Variants in ERICH1 observed in about 807,000 individuals in gnomAD.
The protein encoded by ERICH1 is glutamate rich 1, also known as glutamate-rich protein 1.
Under a neutral mutation model 39.6 loss-of-function variants are expected in ERICH1, and 56 were observed. The ratio of observed to expected loss-of-function variants is 1.41; its 90% CI spans 1.14 to 1.77. ERICH1 has a LOEUF of 1.77. ERICH1 is among the 40% of genes most tolerant of loss of function. ERICH1 has a pLI of 0.00. For synonymous variants in ERICH1, 313 were observed against 223.6 expected, an observed-to-expected ratio of 1.40 and a Z score of -3.57; for missense variants, 826 against 575.4, an observed-to-expected ratio of 1.44 and a Z score of -4.45.
chr8:630,391 GAC>G (rs1797932123), intron 3 of ERICH1, among the ~76,000 whole-genome samples: 1 of 136,104 alleles, frequency 7.3e-6, no homozygotes, highest in Admixed American at 7.2e-5. Context: ...CACCCACACA[GAC>G]AGAGCTGACT....
At chr8:639,069 C>T (rs1337583087) in intron 3 of ERICH1, among the ~76,000 whole-genome samples, 1 of 152,206 alleles carries the variant, frequency 6.6e-6, no homozygotes, top group Non-Finnish European at 1.5e-5. Context: ...AGACCACGGT[C>T]CATGCTGCTG....
chr8:711,363 T>G (rs1191992787), intron 2 of ERICH1, among the ~76,000 whole-genome samples: 2 of 152,230 alleles, frequency 1.3e-5, no homozygotes, highest in Non-Finnish European at 2.9e-5. Context: ...GACATCTACT[T>G]ATCAATTCTT....
rs559268066 is a variant in ERICH1 at position 674,816 on chromosome 8, C to T, written c.305-769G>A. Reference sequence around the variant, plus strand: ...TTTGACACGAAGCTAAGCTGGACTCCAGGTTGGCAGAAGGTGGTTTATAAA... The same window carrying T: ...TTTGACACGAAGCTAAGCTGGACTCTAGGTTGGCAGAAGGTGGTTTATAAA... On this transcript the variant is annotated intron_variant, in intron 3 of 5. Coordinates refer to ENST00000262109, the MANE Select transcript of ERICH1 (RefSeq NM_207332.3). Among the ~76,000 whole-genome samples the T allele has an allele frequency of 2.6e-5, 4 of 152,306 alleles. No homozygotes were observed. The South Asian group carries it at 8.3e-4, about 32-fold the overall frequency.
chr8:686,654 A>T (rs1807462379), intron 3 of ERICH1: 1 of 152,206 alleles, frequency 6.6e-6, no homozygotes, highest in Non-Finnish European at 1.5e-5. Context: ...TTTAGAAACC[A>T]TCACAGCCTT....
intron 3 of ERICH1, among the ~76,000 whole-genome samples, chr8:621,847 C>T (rs1350122693): frequency 6.6e-6 from 1 of 152,054 alleles, no homozygotes; most frequent in Admixed American, 6.6e-5. Context: ...AATACAATTC[C>T]TAGAAAAACA....
At chr8:635,478 C>A (rs1268886363) in intron 3 of ERICH1, among the ~76,000 whole-genome samples, 2 of 152,200 alleles carry the variant, frequency 1.3e-5, no homozygotes, top group Non-Finnish European at 2.9e-5. Flanking sequence ...TGCACCAACG[C>A]CCCACCCAGT....
At chr8:723,025 C>T (rs1326963913) in intron 1 of ERICH1, among the ~76,000 whole-genome samples, 1 of 152,208 alleles carries the variant, frequency 6.6e-6, no homozygotes, top group African/African-American at 2.4e-5. Flanking sequence ...GGTGGGCCTA[C>T]TGGGAGGTGT....
chr8:636,160 T>C (rs1447028903), intron 3 of ERICH1, among the ~76,000 whole-genome samples: 1 of 152,164 alleles, frequency 6.6e-6, no homozygotes, highest in East Asian at 1.9e-4. Context: ...GCTGAATCCC[T>C]GCGCCCCGGC....
intron 3 of ERICH1, among the ~76,000 whole-genome samples, chr8:636,136 C>T (rs925563413): frequency 6.6e-6 from 1 of 152,214 alleles, no homozygotes. Context: ...TAATGTCTGG[C>T]GCGCTCTAAG....
At chr8:685,704 C>T (rs2131995835) in intron 3 of ERICH1, among the ~76,000 whole-genome samples, 1 of 152,328 alleles carries the variant, frequency 6.6e-6, no homozygotes, top group Admixed American at 6.5e-5. Flanking sequence ...GGGTCCCTGA[C>T]TTCCTGCAAT....
chr8:643,549 G>A (rs369781373), intron 3 of ERICH1, among the ~76,000 whole-genome samples: 4 of 151,090 alleles, frequency 2.6e-5, no homozygotes, highest in East Asian at 2.0e-4. Context: ...TGCCCCTGCC[G>A]GCTGGGCCCT....
At chr8:689,627 G>C (rs1808444374) in intron 3 of ERICH1, among the ~76,000 whole-genome samples, 1 of 152,212 alleles carries the variant, frequency 6.6e-6, no homozygotes, top group Non-Finnish European at 1.5e-5. Context: ...GCATGTTGGG[G>C]GCACTGCGGA....
intron 2 of ERICH1, among the ~76,000 whole-genome samples, chr8:708,654 G>T (rs1182904515): frequency 1.4e-5 from 2 of 147,206 alleles, no homozygotes; most frequent in Non-Finnish European, 3.0e-5. Flanking sequence ...AGTGGGGAAT[G>T]GGGGCTGAGT....
chr8:679,425 A>C (rs1805612726), intron 3 of ERICH1, among the ~76,000 whole-genome samples: 1 of 145,842 alleles, frequency 6.9e-6, no homozygotes. Context: ...GCCCTCACAA[A>C]AGCTCTGGCC....
intron 3 of ERICH1, among the ~76,000 whole-genome samples, chr8:682,933 T>G (rs940284506): frequency 6.6e-6 from 1 of 151,856 alleles, no homozygotes; most frequent in African/African-American, 2.4e-5. Flanking sequence ...AAATAAAAAG[T>G]AGTAAACTTC....
In ERICH1 at chr8:646,566, A is replaced by G. The variant is rs1799490543; in HGVS notation, c.976+22032T>C. ...ACTGATGGAAGTTGCCAGGCAGATGAACTATATGCCGACAGCTCCAGCCTG... is the reference window on the plus strand; with the variant it reads ...ACTGATGGAAGTTGCCAGGCAGATGGACTATATGCCGACAGCTCCAGCCTG... On this transcript the variant is annotated intron_variant, in intron 3 of 3. Transcript: ENST00000522706. Among the ~76,000 whole-genome samples the G allele has an allele frequency of 1.0e-4, 7 of 68,912 alleles. 3 individuals carry two copies. Among genetic ancestry groups the G allele is most frequent in the Admixed American group, 2.5e-4 (2 of 7,978 alleles). 45.2% of individuals were successfully genotyped at this position (68,912 alleles called of 152,430 possible). A position where few individuals can be genotyped will look rare whatever the true frequency, so the allele number is the denominator to read the frequency against.
chr8:703,101 G>T (rs1172423719), intron 2 of ERICH1, among the ~76,000 whole-genome samples: 1 of 152,244 alleles, frequency 6.6e-6, no homozygotes, highest in Non-Finnish European at 1.5e-5. Flanking sequence ...CGAATTTCAG[G>T]CAGAAGGGCC....
chr8:640,432 G>A (rs1798852329), intron 3 of ERICH1, among the ~76,000 whole-genome samples: 2 of 152,160 alleles, frequency 1.3e-5, no homozygotes, highest in South Asian at 4.1e-4. Flanking sequence ...TACTATGAAA[G>A]AGGAGATTTA....
At chr8:663,773 A>C (rs895598599), downstream of ERICH1, among the ~76,000 whole-genome samples, 1 of 140,324 alleles carries the variant, frequency 7.1e-6, no homozygotes, top group Non-Finnish European at 1.6e-5. Flanking sequence ...TTTTTTTTTT[A>C]TTTTGAGCTG....
Sources: allele counts gnomAD v4.1 joint callset (sites outside exome capture counted in the v4.1 genomes callset), GRCh38; gene constraint gnomAD v4.1.1; transcripts MANE v1.5; gene names NCBI Gene and HGNC (gene_info 2026-07-23, HGNC 2026-07-21).